Variants in KDM4C observed in about 807,000 individuals in gnomAD.
KDM4C encodes the protein lysine-specific demethylase 4C.
Under a neutral mutation model 129.3 loss-of-function variants are expected in KDM4C, and 81 were observed. The ratio of observed to expected loss-of-function variants is 0.63; its 90% CI spans 0.52 to 0.75. The LOEUF (loss-of-function observed/expected upper bound fraction) is 0.75, where lower values mean the gene tolerates loss of function less well. Among genes scored for constraint, KDM4C ranks in the 30% least tolerant of loss-of-function variants. The probability of loss-of-function intolerance (pLI) is 0.00; values close to 1 mark genes in which losing one functional copy is unlikely to be tolerated. For synonymous variants in KDM4C, 573 were observed against 456.1 expected (o/e 1.26, Z -3.26); for missense variants, 1,457 against 1,304.0 (o/e 1.12, Z -1.81).
chr9:7,089,056 G>C (rs938333418), intron 17 of KDM4C, among the ~76,000 whole-genome samples: 1 of 152,010 alleles, frequency 6.6e-6, no homozygotes. Flanking sequence ...AAATCGAGAT[G>C]AGTTAAAAAA....
chr9:7,127,855 G>C (rs1587775525), intron 18 of KDM4C: 2 of 445,504 alleles, frequency 4.5e-6, no homozygotes, highest in Admixed American at 4.0e-5. Context: ...TGGGTAAAGA[G>C]TGTTAGTATA....
At chr9:7,018,894 T>A (rs1247306692) in intron 15 of KDM4C, among the ~76,000 whole-genome samples, 1 of 152,244 alleles carries the variant, frequency 6.6e-6, no homozygotes, top group Non-Finnish European at 1.5e-5. Flanking sequence ...TGTATTTTAA[T>A]ATTGAAACTA....
At chr9:6,965,208 A>G (rs928083316) in intron 8 of KDM4C, among the ~76,000 whole-genome samples, 4 of 151,990 alleles carry the variant, frequency 2.6e-5, no homozygotes, top group African/African-American at 9.7e-5. Context: ...TAAGCATAGG[A>G]AGCCTTGAGC....
chr9:6,943,472 G>A (rs895201731), intron 8 of KDM4C, among the ~76,000 whole-genome samples: 17 of 152,088 alleles, frequency 1.1e-4, no homozygotes, highest in African/African-American at 2.7e-4. Context: ...ACTTCAGGAC[G>A]CCTAGTGGGG....
At chr9:7,173,715 G>C (rs982473512) in intron 21 of KDM4C, among the ~76,000 whole-genome samples, 5 of 152,234 alleles carry the variant, frequency 3.3e-5, no homozygotes, top group Admixed American at 1.3e-4. Context: ...CATGGGCATG[G>C]TGGTGCCTTT....
At chr9:6,776,054 C>T (rs1451516457) in intron 1 of KDM4C, among the ~76,000 whole-genome samples, 4 of 152,188 alleles carry the variant, frequency 2.6e-5, no homozygotes, top group Non-Finnish European at 5.9e-5. Flanking sequence ...TTTGTGCGTT[C>T]CGTATATCCC....
chr9:6,906,017 G>C (rs1818246978), intron 8 of KDM4C, among the ~76,000 whole-genome samples: 1 of 152,154 alleles, frequency 6.6e-6, no homozygotes, highest in Non-Finnish European at 1.5e-5. Context: ...AAATGACTGA[G>C]TAAGTGACGC....
At position 7,083,678 on chromosome 9, in the gene KDM4C, A is replaced by G. The variant is rs566346398; in HGVS notation, c.2425-20007A>G. Among the ~76,000 whole-genome samples, 5 of 149,888 alleles carry G rather than the reference A, an allele frequency of 3.3e-5. No homozygotes were observed. The East Asian group carries it at 9.9e-4, about 30-fold the overall frequency. On this transcript the variant is annotated intron_variant, in intron 17 of 21. Coordinates refer to ENST00000381309, the MANE Select transcript of KDM4C (RefSeq NM_015061.6). ...ACCACCATGGGATATGCCATTTGTCATTGACTGAAACGTCCCATGTAGCAC... is the reference window on the plus strand; with the variant it reads ...ACCACCATGGGATATGCCATTTGTCGTTGACTGAAACGTCCCATGTAGCAC...
At chr9:6,744,297 G>T (rs1055432904) in intron 1 of KDM4C, among the ~76,000 whole-genome samples, 2 of 152,016 alleles carry the variant, frequency 1.3e-5, no homozygotes, top group African/African-American at 2.4e-5. Context: ...AGGCTGAGAC[G>T]GGCAGATCAC....
At chr9:6,906,651 G>A (rs6477127) in intron 8 of KDM4C, among the ~76,000 whole-genome samples, 66,996 of 151,824 alleles carry the variant, frequency 0.44, 15,350 homozygotes, top group Middle Eastern at 0.6. Context: ...TTTTTTGCCC[G>A]GGCTGGTCTC....
intron 4 of KDM4C, among the ~76,000 whole-genome samples, chr9:6,841,453 A>G (rs1172326476): frequency 6.6e-6 from 1 of 152,210 alleles, no homozygotes; most frequent in East Asian, 1.9e-4. Context: ...TTTGGGGAAC[A>G]AGGTTCATAT....
chr9:7,171,946 C>T (rs972408639), intron 21 of KDM4C, among the ~76,000 whole-genome samples: 6 of 152,306 alleles, frequency 3.9e-5, no homozygotes, highest in Admixed American at 2.6e-4. Flanking sequence ...AACAAAGGCT[C>T]ACGGTCACTA....
chr9:6,972,931 G>A (rs1832257202), intron 8 of KDM4C, among the ~76,000 whole-genome samples: 1 of 151,996 alleles, frequency 6.6e-6, no homozygotes, highest in South Asian at 2.1e-4. Flanking sequence ...TTTCTGATTC[G>A]AGTTTAATAC....
At chr9:6,974,910 ACTTC>A (rs1170901778) in intron 8 of KDM4C, 5 of 152,212 alleles carry the variant, frequency 3.3e-5, no homozygotes, top group Non-Finnish European at 5.9e-5. Context: ...CTAACTCTGA[ACTTC>A]CACAACCTTT....
intron 12 of KDM4C, among the ~76,000 whole-genome samples, chr9:7,000,101 A>G (rs1820462069): frequency 1.3e-5 from 2 of 152,198 alleles, no homozygotes; most frequent in Non-Finnish European, 2.9e-5. Flanking sequence ...GTTGGCATTC[A>G]GATAAAATGG....
At chr9:6,775,695 C>A (rs1208123071) in intron 1 of KDM4C, among the ~76,000 whole-genome samples, 1 of 151,112 alleles carries the variant, frequency 6.6e-6, no homozygotes, top group African/African-American at 2.4e-5. Flanking sequence ...GCTAATTTTG[C>A]ATTTTTAGTA....
At chr9:6,851,284 G>A (rs552913591) in intron 5 of KDM4C, among the ~76,000 whole-genome samples, 1 of 152,158 alleles carries the variant, frequency 6.6e-6, no homozygotes, top group African/African-American at 2.4e-5. Flanking sequence ...CAGCACTCAG[G>A]TGTTATTTGT....
intron 8 of KDM4C, 42 bp downstream of exon 8, chr9:6,893,274 T>C: frequency 6.5e-7 from 1 of 1,547,926 alleles, no homozygotes; most frequent in South Asian, 1.2e-5. Context: ...TAAATGTGTA[T>C]TCTGGTTATT....
intron 5 of KDM4C, among the ~76,000 whole-genome samples, chr9:6,875,430 G>A (rs1270218145): frequency 6.6e-6 from 1 of 152,150 alleles, no homozygotes; most frequent in East Asian, 1.9e-4. Flanking sequence ...AGGAGTGGGT[G>A]TTTTGTTGTA....
Sources: gnomAD v4.1 joint callset for allele counts (sites outside exome capture counted in the v4.1 genomes callset) on GRCh38, gnomAD v4.1.1 for gene constraint, MANE v1.5 for transcripts, NCBI Gene and HGNC (gene_info 2026-07-23, HGNC 2026-07-21) for gene names.